RAD51B: variants seen among roughly 807,000 people sequenced by gnomAD.
RAD51B encodes the protein DNA repair protein RAD51 homolog 2.
Under a neutral mutation model 42.2 loss-of-function variants are expected in RAD51B, and 38 were observed. That is an observed-to-expected ratio of 0.90 (90% CI 0.70 to 1.18). The LOEUF is 1.18. Ranked by LOEUF, RAD51B falls within the 50% of genes most tolerant of loss-of-function variation. The pLI is 0.00. For missense variants in RAD51B, 373 were observed against 400.7 expected, an observed-to-expected ratio of 0.93 and a Z score of 0.59; for synonymous variants, 154 against 145.2, an observed-to-expected ratio of 1.06 and a Z score of -0.43.
At chr14:67,917,382 A>C (rs539715851) in intron 7 of RAD51B, among the ~76,000 whole-genome samples, 30 of 152,184 alleles carry the variant, frequency 2.0e-4, no homozygotes, top group Non-Finnish European at 4.3e-4. Flanking sequence ...GACAAAAGCA[A>C]GAGCAAGAGA....
chr14:68,042,312 C>T (rs1166913559), intron 7 of RAD51B, among the ~76,000 whole-genome samples: 3 of 152,236 alleles, frequency 2.0e-5, no homozygotes, highest in Non-Finnish European at 2.9e-5. Flanking sequence ...AGATACAGGT[C>T]ATAATAGTAT....
intron 7 of RAD51B, among the ~76,000 whole-genome samples, chr14:68,288,562 A>G (rs1432705988): frequency 6.6e-6 from 1 of 152,228 alleles, no homozygotes; most frequent in African/African-American, 2.4e-5. Flanking sequence ...GTAGCATTTC[A>G]TTAGTTCTGT....
intron 10 of RAD51B, among the ~76,000 whole-genome samples, chr14:68,641,398 C>T (rs1892457321): frequency 6.6e-6 from 1 of 152,128 alleles, no homozygotes; most frequent in Non-Finnish European, 1.5e-5. Context: ...ATGTCATTTA[C>T]AACAAAGTTT....
intron 10 of RAD51B, among the ~76,000 whole-genome samples, chr14:68,569,278 G>T (rs1329382007): frequency 6.6e-6 from 1 of 152,210 alleles, no homozygotes; most frequent in African/African-American, 2.4e-5. Context: ...GGTTAGGAGG[G>T]TGATCAATTG....
chr14:68,399,121 C>T (rs922750694), intron 8 of RAD51B, among the ~76,000 whole-genome samples: 2 of 152,074 alleles, frequency 1.3e-5, no homozygotes, highest in African/African-American at 2.4e-5. Context: ...TATCAATGAC[C>T]AAGTAATCTC....
chr14:68,656,624 C>T (rs943430845), intron 11 of RAD51B, among the ~76,000 whole-genome samples: 1 of 152,160 alleles, frequency 6.6e-6, no homozygotes, highest in East Asian at 1.9e-4. Flanking sequence ...CCAGAGCTCG[C>T]TCTCAGGGTC....
intron 9 of RAD51B, chr14:68,421,734 C>G (rs779229353): frequency 2.6e-5 from 41 of 1,592,354 alleles, no homozygotes; most frequent in Non-Finnish European, 3.5e-5. Flanking sequence ...TGGTGATCTT[C>G]TTGCTGGTCT....
At chr14:68,127,871 A>G (rs564564213) in intron 7 of RAD51B, among the ~76,000 whole-genome samples, 2 of 152,276 alleles carry the variant, frequency 1.3e-5, no homozygotes, top group East Asian at 3.9e-4. Context: ...GTATCTCATG[A>G]TGGAATTGCC....
intron 8 of RAD51B, among the ~76,000 whole-genome samples, chr14:68,322,482 G>T (rs2082174109): frequency 1.3e-5 from 2 of 152,132 alleles, no homozygotes. Flanking sequence ...GTAATACTAG[G>T]TTTTTATTTA....
chr14:68,576,152 G>A (rs1038673725), intron 10 of RAD51B, among the ~76,000 whole-genome samples: 9 of 152,180 alleles, frequency 5.9e-5, no homozygotes, highest in Non-Finnish European at 1.2e-4. Flanking sequence ...AGAGGGAGCA[G>A]GGGAAGAGAC....
At chr14:68,199,192 G>A (rs552782437) in intron 7 of RAD51B, among the ~76,000 whole-genome samples, 4 of 152,252 alleles carry the variant, frequency 2.6e-5, no homozygotes, top group Admixed American at 6.5e-5. Context: ...TTGGCATCCA[G>A]AATAGAAGCA....
chr14:68,351,365 CCTCT>C (rs771784980), intron 8 of RAD51B, among the ~76,000 whole-genome samples: 1 of 152,018 alleles, frequency 6.6e-6, no homozygotes, highest in South Asian at 2.1e-4. Flanking sequence ...GGGAATAATT[CCTCT>C]CTCTCTCTTT....
chr14:68,516,676 T>C (rs1334547589), intron 10 of RAD51B, among the ~76,000 whole-genome samples: 1 of 152,246 alleles, frequency 6.6e-6, no homozygotes. Context: ...TGCTCAGTTA[T>C]GTTAAAATTC....
intron 11 of RAD51B, among the ~76,000 whole-genome samples, chr14:68,661,770 C>G (rs1271326360): frequency 6.6e-6 from 1 of 152,122 alleles, no homozygotes; most frequent in Non-Finnish European, 1.5e-5. Context: ...GCCCTGGGTG[C>G]GAACATCTCT....
intron 10 of RAD51B, among the ~76,000 whole-genome samples, chr14:68,552,867 A>G (rs913776365): frequency 6.6e-6 from 1 of 152,228 alleles, no homozygotes; most frequent in African/African-American, 2.4e-5. Context: ...GGGATAAGTA[A>G]GAGGAACTGA....
chr14:68,613,418 C>CAA (rs112036417), downstream of RAD51B, among the ~76,000 whole-genome samples: 49 of 138,534 alleles, frequency 3.5e-4, 1 homozygote, highest in South Asian at 3.4e-3. Context: ...AACTCTGTCT[C>CAA]AAAAAAAAAA....
chr14:68,678,914 C>T (rs1893368263), intron 11 of RAD51B, among the ~76,000 whole-genome samples: 1 of 152,158 alleles, frequency 6.6e-6, no homozygotes, highest in East Asian at 1.9e-4. Flanking sequence ...GCTCCAGCTC[C>T]ACCTCCACCT....
intron 7 of RAD51B, among the ~76,000 whole-genome samples, chr14:67,966,706 C>A: frequency 6.6e-6 from 1 of 152,102 alleles, no homozygotes; most frequent in East Asian, 1.9e-4. Context: ...TGTATGTGTA[C>A]GTGTGTGCTT....
chr14:68,552,445 G>A (rs116184130), intron 10 of RAD51B, among the ~76,000 whole-genome samples: 6,481 of 152,238 alleles, frequency 0.043, 160 homozygotes, highest in African/African-American at 0.067. Context: ...AGCCCCTAGT[G>A]AGGGATGCTG....
Sources: allele counts gnomAD v4.1 joint callset (sites outside exome capture counted in the v4.1 genomes callset), GRCh38; gene constraint gnomAD v4.1.1; transcripts MANE v1.5; gene names NCBI Gene and HGNC (gene_info 2026-07-23, HGNC 2026-07-21).